Variants in OR10J1 observed in about 807,000 individuals in gnomAD.
OR10J1 encodes olfactory receptor family 10 subfamily J member 1.
For synonymous variants in OR10J1, 202 were observed against 143.8 expected (o/e 1.40, Z -2.89); for missense variants, 474 against 376.6 (o/e 1.26, Z -2.14).
the OR10J1 span, among the ~76,000 whole-genome samples, chr1:159,412,734 C>A: frequency 8.6e-5 from 13 of 151,846 alleles, no homozygotes; most frequent in African/African-American, 3.2e-4. Context: ...CATAAAAACC[C>A]TAGAAGAAAA....
the OR10J1 span, among the ~76,000 whole-genome samples, chr1:159,414,644 T>G: frequency 6.6e-6 from 1 of 152,158 alleles, no homozygotes; most frequent in East Asian, 1.9e-4. Flanking sequence ...AGTTCTATTT[T>G]TAGCTTTTGA....
chr1:159,403,980 G>C, the OR10J1 span, among the ~76,000 whole-genome samples: 2 of 152,076 alleles, frequency 1.3e-5, no homozygotes, highest in African/African-American at 2.4e-5. Flanking sequence ...AATGGAACTG[G>C]AGATCATTAC....
chr1:159,412,324 T>C, the OR10J1 span, among the ~76,000 whole-genome samples: 1 of 144,722 alleles, frequency 6.9e-6, no homozygotes, highest in African/African-American at 2.9e-5. Context: ...CTTCACAGAA[T>C]TGGAAAAAAC....
chr1:159,401,712 T>C, the OR10J1 span, among the ~76,000 whole-genome samples: 2 of 151,744 alleles, frequency 1.3e-5, no homozygotes, highest in Non-Finnish European at 2.9e-5. Flanking sequence ...TTCCAAAACA[T>C]AGAAGAGGAA....
chr1:159,438,355 C>T (rs947556152), upstream of OR10J1, among the ~76,000 whole-genome samples: 1 of 152,170 alleles, frequency 6.6e-6, no homozygotes, highest in Non-Finnish European at 1.5e-5. Context: ...GGCAGAATCA[C>T]CACAAGTTTT....
At chr1:159,400,855 G>C in the OR10J1 span, among the ~76,000 whole-genome samples, 1 of 151,870 alleles carries the variant, frequency 6.6e-6, no homozygotes, top group Non-Finnish European at 1.5e-5. Flanking sequence ...CTGAAGGATA[G>C]ACTATATATT....
the OR10J1 span, among the ~76,000 whole-genome samples, chr1:159,421,095 A>G: frequency 6.6e-6 from 1 of 151,904 alleles, no homozygotes; most frequent in Non-Finnish European, 1.5e-5. Flanking sequence ...ATTCTTTTTT[A>G]TTCTTTTAAA....
At position 159,439,924 on chromosome 1, in the gene OR10J1, A is replaced by T; in HGVS notation, c.133A>T (p.Ile45Phe). Residue 45 changes from isoleucine (I) to phenylalanine (F), a missense_variant, in exon 1 of 1, where the codon ATT becomes TTT. By Grantham distance (21) the Ile-to-Phe change is conservative. Transcript: ENST00000423932. ...CTTAACCTTAGCAGGCAATATCATCATTGTGACCATCATCCGAATGGATCT... is the reference window on the plus strand; with the variant it reads ...CTTAACCTTAGCAGGCAATATCATCTTTGTGACCATCATCCGAATGGATCT... ...YILTLAGNII[I>F]VTIIRMDLHL... 1.9e-6 allele frequency: 3 copies of T among 1,614,128 alleles called. No homozygotes were observed. The highest frequency in any genetic ancestry group is 2.5e-6 in the Non-Finnish European group (3 of 1,180,000).
the OR10J1 span, among the ~76,000 whole-genome samples, chr1:159,418,339 C>T: frequency 6.6e-5 from 10 of 152,120 alleles, no homozygotes; most frequent in Non-Finnish European, 1.5e-4. Flanking sequence ...TTTCCTGGGC[C>T]AGCTCCAGGG....
the OR10J1 span, among the ~76,000 whole-genome samples, chr1:159,410,130 G>T: frequency 6.6e-6 from 1 of 152,254 alleles, no homozygotes; most frequent in East Asian, 1.9e-4. Flanking sequence ...TTGCATCAAT[G>T]TTCATCAAGG....
At chr1:159,439,490 C>G (rs974116065), upstream of OR10J1, among the ~76,000 whole-genome samples, 1 of 151,962 alleles carries the variant, frequency 6.6e-6, no homozygotes. Context: ...AAAAGAGAAG[C>G]CATTCCAGAT....
the OR10J1 span, among the ~76,000 whole-genome samples, chr1:159,417,207 A>T: frequency 6.6e-6 from 1 of 152,046 alleles, no homozygotes; most frequent in Non-Finnish European, 1.5e-5. Context: ...TTTCTATAAA[A>T]TTCCCTCTTA....
rs764895000 is a variant in OR10J1 at position 159,440,709 on chromosome 1, G to C, written c.918G>C (p.Gly306=). Residue 306 remains glycine, a synonymous_variant, in exon 1 of 1, where the codon GGG becomes GGC. Coordinates refer to ENST00000423932, the MANE Select transcript of OR10J1 (RefSeq NM_012351.3). ...VKDALCRAVG[G]KFS ...ATGCTCTGTGCAGGGCTGTTGGTGG[G>C]AAGTTTTCCTGACCATGTAGGAAGA... The C allele has an allele frequency of 1.2e-6, 2 of 1,609,204 alleles. No individual in the cohort carries two copies. The highest frequency in any genetic ancestry group is 4.5e-5 in the East Asian group (2 of 44,778).
chr1:159,420,840 C>T, the OR10J1 span, among the ~76,000 whole-genome samples: 1 of 151,838 alleles, frequency 6.6e-6, no homozygotes, highest in Non-Finnish European at 1.5e-5. Flanking sequence ...TTGTCTTTTT[C>T]TTTGACTTTT....
the OR10J1 span, among the ~76,000 whole-genome samples, chr1:159,403,872 C>T: frequency 2.0e-5 from 3 of 151,958 alleles, no homozygotes; most frequent in Admixed American, 1.3e-4. Context: ...AAGTGTCCAT[C>T]GATAGATGAA....
the OR10J1 span, among the ~76,000 whole-genome samples, chr1:159,403,270 C>T: frequency 6.6e-6 from 1 of 152,034 alleles, no homozygotes; most frequent in African/African-American, 2.4e-5. Context: ...AATGGGATCA[C>T]ATCAAGTTAA....
At chr1:159,406,125 TG>T in the OR10J1 span, 35 of 460,970 alleles carry the variant, frequency 7.6e-5, no homozygotes, top group African/African-American at 6.7e-4. Flanking sequence ...AGAAAGCATA[TG>T]GGGAGTAATG....
chr1:159,419,354 G>A, the OR10J1 span, among the ~76,000 whole-genome samples: 3 of 152,132 alleles, frequency 2.0e-5, no homozygotes, highest in Non-Finnish European at 4.4e-5. Context: ...ATGGGGGTGG[G>A]TCTTTCCCAT....
chr1:159,438,669 T>G (rs1421178689), upstream of OR10J1, among the ~76,000 whole-genome samples: 1 of 152,268 alleles, frequency 6.6e-6, no homozygotes, highest in Non-Finnish European at 1.5e-5. Context: ...TTTTATGAAC[T>G]TGAAGAAAGT....
Sources: allele counts gnomAD v4.1 joint callset (sites outside exome capture counted in the v4.1 genomes callset), GRCh38; gene constraint gnomAD v4.1.1; transcripts MANE v1.5; gene names NCBI Gene and HGNC (gene_info 2026-07-23, HGNC 2026-07-21).